Variants in NOL4 observed in about 807,000 individuals in gnomAD.
NOL4 encodes cancer/testis antigen 125.
In NOL4, 17 loss-of-function variants were observed where a neutral mutation model predicts 75.9. The ratio of observed to expected loss-of-function variants is 0.22; its 90% confidence interval spans 0.15 to 0.34. NOL4 has a LOEUF of 0.34. Among genes scored for constraint, NOL4 ranks in the 10% least tolerant of loss-of-function variants. The pLI is 1.00. For missense variants in NOL4, 614 were observed against 793.5 expected, an observed-to-expected ratio of 0.77 and a Z score of 2.72; for synonymous variants, 292 against 289.9, an observed-to-expected ratio of 1.01 and a Z score of -0.07.
intron 2 of NOL4, among the ~76,000 whole-genome samples, chr18:34,112,566 G>A (rs529890725): frequency 6.6e-6 from 1 of 152,172 alleles, no homozygotes; most frequent in Non-Finnish European, 1.5e-5. Flanking sequence ...CAACATGTAT[G>A]AACCTGGAGA....
At chr18:34,097,866 A>C (rs2078861892) in intron 4 of NOL4, among the ~76,000 whole-genome samples, 1 of 152,090 alleles carries the variant, frequency 6.6e-6, no homozygotes, top group African/African-American at 2.4e-5. Flanking sequence ...AAAAGTTTTT[A>C]ATAATTATCA....
intron 5 of NOL4, among the ~76,000 whole-genome samples, chr18:34,040,372 T>C (rs1052696216): frequency 3.3e-5 from 5 of 151,830 alleles, no homozygotes; most frequent in East Asian, 1.9e-4. Flanking sequence ...ATAGAAGCTA[T>C]TTTGAGGATT....
chr18:33,988,073 C>A (rs1472755372), intron 6 of NOL4, among the ~76,000 whole-genome samples: 1 of 152,084 alleles, frequency 6.6e-6, no homozygotes, highest in African/African-American at 2.4e-5. Context: ...CATATGAAGT[C>A]TTGGGTTTCC....
chr18:34,163,006 T>A (rs537568469), intron 1 of NOL4, among the ~76,000 whole-genome samples: 75 of 152,306 alleles, frequency 4.9e-4, no homozygotes, highest in Admixed American at 4.9e-3. Flanking sequence ...ATTATCTCAA[T>A]AGATGCACAA....
At chr18:33,869,926 T>G (rs2144468524) in intron 10 of NOL4, among the ~76,000 whole-genome samples, 1 of 152,210 alleles carries the variant, frequency 6.6e-6, no homozygotes, top group African/African-American at 2.4e-5. Flanking sequence ...GCATAATTTC[T>G]TGTATATGAA....
At chr18:34,045,397 A>T (rs1432818602) in intron 5 of NOL4, among the ~76,000 whole-genome samples, 2 of 152,032 alleles carry the variant, frequency 1.3e-5, no homozygotes, top group African/African-American at 4.8e-5. Flanking sequence ...CATCTTACTC[A>T]ACATTTGAAG....
At chr18:34,161,960 AT>A (rs1374964311) in intron 1 of NOL4, among the ~76,000 whole-genome samples, 2 of 152,246 alleles carry the variant, frequency 1.3e-5, no homozygotes, top group Non-Finnish European at 1.5e-5. Context: ...TATTTATTTA[AT>A]TTTTAATTTA....
chr18:34,120,051 A>G (rs1054306520), intron 2 of NOL4, among the ~76,000 whole-genome samples: 2 of 152,240 alleles, frequency 1.3e-5, no homozygotes, highest in Admixed American at 1.3e-4. Flanking sequence ...TTCAAATATA[A>G]CTGGTTATCC....
At chr18:33,949,840 A>C (rs945740222) in intron 8 of NOL4, among the ~76,000 whole-genome samples, 5 of 152,112 alleles carry the variant, frequency 3.3e-5, no homozygotes, top group African/African-American at 1.2e-4. Flanking sequence ...GGGAATTAAT[A>C]AGTCTTCTAG....
chr18:33,980,320 T>C (rs1486493455), intron 6 of NOL4, among the ~76,000 whole-genome samples: 3 of 152,046 alleles, frequency 2.0e-5, no homozygotes, highest in Admixed American at 6.6e-5. Flanking sequence ...AACTTAGTCA[T>C]AGAGCTGTCC....
intron 2 of NOL4, among the ~76,000 whole-genome samples, chr18:34,105,721 G>A: frequency 6.6e-6 from 1 of 151,798 alleles, no homozygotes; most frequent in East Asian, 1.9e-4. Context: ...GACACATCTG[G>A]AAATGCATTT....
intron 10 of NOL4, among the ~76,000 whole-genome samples, chr18:33,876,308 A>G (rs1317043605): frequency 6.6e-6 from 1 of 152,044 alleles, no homozygotes; most frequent in African/African-American, 2.4e-5. Context: ...TCTATTGCCA[A>G]CCTGCATCAT....
chr18:34,169,130 C>T (rs1471646284), intron 1 of NOL4, among the ~76,000 whole-genome samples: 1 of 151,668 alleles, frequency 6.6e-6, no homozygotes, highest in Non-Finnish European at 1.5e-5. Flanking sequence ...GGAAGAAGAG[C>T]ACCAGAAATA....
At chr18:33,993,163 G>A (rs1050456461) in intron 6 of NOL4, among the ~76,000 whole-genome samples, 1 of 151,918 alleles carries the variant, frequency 6.6e-6, no homozygotes, top group Non-Finnish European at 1.5e-5. Context: ...AAAGGCACCT[G>A]AGTTTTATTG....
intron 10 of NOL4, among the ~76,000 whole-genome samples, chr18:33,879,041 C>G (rs1010603510): frequency 6.6e-6 from 1 of 152,184 alleles, no homozygotes; most frequent in South Asian, 2.1e-4. Flanking sequence ...GAGTTCCTCT[C>G]TATGTGAGGC....
chr18:33,857,469 G>A (rs1189627586), intron 10 of NOL4, among the ~76,000 whole-genome samples: 3 of 151,904 alleles, frequency 2.0e-5, no homozygotes, highest in Non-Finnish European at 2.9e-5. Flanking sequence ...ATTTCAGATC[G>A]AATTCAACAA....
At chr18:33,900,444 T>G (rs1219654570) in intron 9 of NOL4, among the ~76,000 whole-genome samples, 1 of 152,162 alleles carries the variant, frequency 6.6e-6, no homozygotes, top group East Asian at 1.9e-4. Context: ...ATTGCTCTCT[T>G]TCCTTTCTGC....
At chr18:34,180,700 A>G (rs1165529250) in intron 1 of NOL4, among the ~76,000 whole-genome samples, 1 of 151,530 alleles carries the variant, frequency 6.6e-6, no homozygotes, top group Non-Finnish European at 1.5e-5. Flanking sequence ...GATCTTGTAT[A>G]GAGAAAATCC....
intron 9 of NOL4, among the ~76,000 whole-genome samples, chr18:33,926,308 C>T (rs914878314): frequency 8.6e-5 from 12 of 139,756 alleles, no homozygotes; most frequent in East Asian, 2.2e-4. Context: ...TGTAGTGAGC[C>T]GAGATCATGC....
Sources: allele counts gnomAD v4.1 joint callset (sites outside exome capture counted in the v4.1 genomes callset), GRCh38; gene constraint gnomAD v4.1.1; transcripts MANE v1.5; gene names NCBI Gene and HGNC (gene_info 2026-07-23, HGNC 2026-07-21).